The following PRDX3 variants were observed in gnomAD, a reference collection of about 807,000 sequenced individuals.
The protein encoded by PRDX3 is peroxiredoxin 3, also known as thioredoxin-dependent peroxide reductase, mitochondrial.
Under a neutral mutation model 30.4 loss-of-function variants are expected in PRDX3, and 20 were observed. The observed-to-expected ratio is 0.66, with a 90% CI of 0.46 to 0.96. The LOEUF is 0.96. PRDX3 is among the 40% of genes least tolerant of loss of function. PRDX3 has a pLI of 0.00. For missense variants in PRDX3, 322 were observed against 318.3 expected (o/e 1.01, Z -0.09); for synonymous variants, 124 against 117.8 (o/e 1.05, Z -0.34).
At chr10:119,177,247 T>C (rs1371691878) in intron 1 of PRDX3, 94 bp from the exon 2 acceptor site, 22 of 1,358,162 alleles carry the variant, frequency 1.6e-5, no homozygotes, top group Non-Finnish European at 1.6e-5. Context: ...GCTGTCCCTG[T>C]TCCTGTGAAC....
chr10:119,174,836 C>T, intron 2 of PRDX3: 1 of 430,480 alleles, frequency 2.3e-6, no homozygotes, highest in Non-Finnish European at 4.1e-6. Context: ...ATATAATCCA[C>T]ACACACCCTC....
In PRDX3 at chr10:119,168,437, G is replaced by T; in HGVS notation, c.*43C>A. ...AATGATAAAAGCAGGTTTCAACTGT[G>T]GTTCTTCTCTCAGTTGAGAAGGTGC... is the stretch of plus-strand genomic sequence containing the variant. On this transcript the variant is annotated 3_prime_UTR_variant, in exon 7 of 7. Transcript: ENST00000298510. 1.9e-6 allele frequency: 3 copies of T among 1,609,952 alleles called. No individual in the cohort carries two copies. The highest frequency in any genetic ancestry group is 2.5e-6 in the Non-Finnish European group (3 of 1,179,252).
intron 5 of PRDX3, 23 bp from the exon 6 acceptor site, chr10:119,169,365 C>T (rs1847852170): frequency 6.2e-7 from 1 of 1,606,228 alleles, no homozygotes; most frequent in South Asian, 1.1e-5. Context: ...TTATCCTCAT[C>T]AGTGCCTCAA....
Position 119,172,468 on chromosome 10 carries a change from G to A in PRDX3, c.465C>T (p.His155=), listed in dbSNP as rs772252312. 2 of 1,613,890 alleles carry A rather than the reference G, an allele frequency of 1.2e-6. No homozygotes were observed. Among genetic ancestry groups the A allele is most frequent in the African/African-American group, 2.7e-5 (2 of 74,930 alleles). The change falls in exon 5 of 7, where the codon CAC becomes CAT. Residue 155 remains histidine, a synonymous_variant. Coordinates refer to ENST00000298510, the MANE Select transcript of PRDX3 (RefSeq NM_006793.5). ...AGTCTGACAAGAGTGCGATGTTCAT[G>A]TGGCCCAAACCACCATTCTAATCAA... ...NTPRKNGGLG[H]MNIALLSDLT... is the part of the protein sequence containing the mutation.
intron 6 of PRDX3, 47 bp from the exon 7 acceptor site, chr10:119,168,580 A>G (rs1231886306): frequency 6.2e-6 from 10 of 1,607,286 alleles, no homozygotes; most frequent in Non-Finnish European, 8.5e-6. Context: ...TTACCATAAT[A>G]ATAGTCCCAA....
At chr10:119,174,373 G>C in intron 3 of PRDX3, 78 bp downstream of exon 3, 1 of 1,460,952 alleles carries the variant, frequency 6.8e-7, no homozygotes, top group Non-Finnish European at 9.2e-7. Context: ...GGTATCTAGG[G>C]ATAGACAATT....
rs1240282835 is a variant in PRDX3 at position 119,172,429 on chromosome 10, A to C, written c.504T>G (p.Ile168Met). Reference protein sequence around the residue: ...IALLSDLTKQISRDYGVLLEG... With the variant: ...IALLSDLTKQMSRDYGVLLEG... ...CTAACAGCACACCGTAGTCTCGGGAAATCTGCTTAGTTAAGTCTGACAAGA... is the reference window on the plus strand; with the variant it reads ...CTAACAGCACACCGTAGTCTCGGGACATCTGCTTAGTTAAGTCTGACAAGA... The change falls in exon 5 of 7, where the codon ATT becomes ATG. Residue 168 changes from isoleucine to methionine, a missense_variant. Transcript: ENST00000298510. 1.2e-6 allele frequency: 2 copies of C among 1,614,206 alleles called. No individual in the cohort carries two copies. The highest frequency in any genetic ancestry group is 2.7e-5 in the African/African-American group (2 of 75,060).
In PRDX3 at chr10:119,174,388, GT is replaced by G. The variant is rs756881855; in HGVS notation, c.311+62del. The G allele has an allele frequency of 5.7e-4, 864 of 1,509,892 alleles. 5 individuals carry two copies. Among genetic ancestry groups the G allele is most frequent in the South Asian group, 7.2e-4 (55 of 76,100 alleles). The allele number at this position is 1,509,892 out of a possible 1,614,324, so 93.5% of individuals were successfully genotyped here. A position where few individuals can be genotyped will look rare whatever the true frequency, so the allele number is the denominator to read the frequency against. On this transcript the variant is annotated intron_variant, in intron 3 of 6. Transcript: ENST00000298510. ...GGTATCTAGGGATAGACAATTCAGT[GT>G]GGGAACAGGATATGTGCTTGCTCTC...
At chr10:119,172,881 C>G (rs1486506144) in intron 4 of PRDX3, among the ~76,000 whole-genome samples, 1 of 152,084 alleles carries the variant, frequency 6.6e-6, no homozygotes, top group Admixed American at 6.5e-5. Context: ...TCATCCTACC[C>G]CAGTCTCCTG....
chr10:119,177,010 A>G lies in PRDX3; in HGVS notation c.169+11T>C, dbSNP rs757140141. 7 of 1,614,014 alleles carry G rather than the reference A, an allele frequency of 4.3e-6. No homozygotes were observed. In the African/African-American group the frequency reaches 5.3e-5, roughly 12 times the overall value. ...TACCTGGCTCCAGCCAAGACATGAC[A>G]TAACACTTACTGGTGCTGAATAATT... On this transcript the variant is annotated intron_variant, in intron 2 of 6. Coordinates refer to ENST00000298510, the MANE Select transcript of PRDX3 (RefSeq NM_006793.5).
chr10:119,168,333 C>CA lies in PRDX3; in HGVS notation c.*146dup. The CA allele has an allele frequency of 6.8e-7, 1 of 1,464,806 alleles. No individual in the cohort carries two copies. The highest frequency in any genetic ancestry group is 1.3e-5 in the South Asian group (1 of 74,326). 90.7% of individuals were successfully genotyped at this position (1,464,806 alleles called of 1,614,324 possible). ...GTTTAAAAGGTCTTAGCCAGAATTACAAAAACAAAACATTTAGAGTAATAC... is the reference window on the plus strand; with the variant it reads ...GTTTAAAAGGTCTTAGCCAGAATTACAAAAAACAAAACATTTAGAGTAATAC... On this transcript the variant is annotated 3_prime_UTR_variant, in exon 7 of 7. Transcript: ENST00000298510.
rs1244089807 is a variant in PRDX3 at position 119,172,932 on chromosome 10, T to TTTTA, written c.448-451_448-448dup. Among the ~76,000 whole-genome samples, 40 of 151,902 alleles carry TTTTA rather than the reference T, an allele frequency of 2.6e-4. No individual in the cohort carries two copies. The South Asian group carries it at 4.2e-3, about 16-fold the overall frequency. On this transcript the variant is annotated intron_variant, in intron 4 of 6. Transcript: ENST00000298510. ...AGATGCTTTTTCTAATTCTTTATTA[T>TTTTA]TTTATTTATTTATTTATTTATTTTG...
chr10:119,173,611 A>G (rs1425578011), intron 4 of PRDX3, 126 bp downstream of exon 4: 1 of 1,121,376 alleles, frequency 8.9e-7, no homozygotes, highest in African/African-American at 1.7e-5. Flanking sequence ...CTCCGTCTCA[A>G]AAAAAAAAAA....
At chr10:119,177,348 G>T (rs1292971736) in intron 1 of PRDX3, among the ~76,000 whole-genome samples, 195 bp from the exon 2 acceptor site, 1 of 152,108 alleles carries the variant, frequency 6.6e-6, no homozygotes, top group Non-Finnish European at 1.5e-5. Flanking sequence ...AGACTGGAAG[G>T]TGGAGAGGAA....
rs369438202 is a variant in PRDX3, at chr10:119,169,347, A to G, written c.552-5T>C. 1.1e-4 allele frequency: 170 copies of G among 1,612,578 alleles called. 1 individual carries two copies. Among genetic ancestry groups the G allele is most frequent in the Non-Finnish European group, 1.4e-4 (160 of 1,179,180 alleles). The stretch of plus-strand genomic sequence containing the variant: ...GGGTCAATTATGAAGAGACCTCTGC[A>G]TGATCATTTATCCTCATCAGTGCCT... On this transcript the variant is annotated splice_polypyrimidine_tract_variant and splice_region_variant and intron_variant, in intron 5 of 6. Coordinates refer to ENST00000298510, the MANE Select transcript of PRDX3 (RefSeq NM_006793.5).
chr10:119,168,381 T>A lies in PRDX3; in HGVS notation c.*99A>T. ...TACTTATGAATACAAGCATAATTGGTTCCTTGCCTTCTACAAATAACCATC... is the reference window on the plus strand; with the variant it reads ...TACTTATGAATACAAGCATAATTGGATCCTTGCCTTCTACAAATAACCATC... On this transcript the variant is annotated 3_prime_UTR_variant, in exon 7 of 7. Coordinates refer to ENST00000298510, the MANE Select transcript of PRDX3 (RefSeq NM_006793.5). 6.3e-7 allele frequency: 1 copy of A among 1,578,372 alleles called. No individual in the cohort carries two copies. The highest frequency in any genetic ancestry group is 8.6e-7 in the Non-Finnish European group (1 of 1,167,696).
Position 119,169,390 on chromosome 10 carries a change from G to C in PRDX3, c.552-48C>G, listed in dbSNP as rs770503997. On this transcript the variant is annotated intron_variant, in intron 5 of 6. Coordinates refer to ENST00000298510, the MANE Select transcript of PRDX3 (RefSeq NM_006793.5). ...CAGTGCCTCAACAGTACCAGAACTA[G>C]AACAGTCTAACTTCTTCCCTTTTAG... 2.0e-6 allele frequency: 3 copies of C among 1,511,098 alleles called. No individual in the cohort carries two copies. In the Admixed American group the frequency reaches 5.5e-5, roughly 28 times the overall value. The allele number at this position is 1,511,098 out of a possible 1,614,324, so 93.6% of individuals were successfully genotyped here. A position where few individuals can be genotyped will look rare whatever the true frequency, so the allele number is the denominator to read the frequency against.
intron 2 of PRDX3, among the ~76,000 whole-genome samples, chr10:119,176,683 C>T (rs1848035064): frequency 1.3e-5 from 2 of 152,204 alleles, no homozygotes; most frequent in Admixed American, 1.3e-4. Context: ...CTGCCCACCA[C>T]TCACAGCTCT....
chr10:119,168,843 G>A (rs1194784558), intron 6 of PRDX3, among the ~76,000 whole-genome samples: 1 of 152,136 alleles, frequency 6.6e-6, no homozygotes, highest in South Asian at 2.1e-4. Flanking sequence ...GTGGTGGTGG[G>A]CGCCCTGTAG....
Sources: allele counts gnomAD v4.1 joint callset (sites outside exome capture counted in the v4.1 genomes callset), GRCh38; gene constraint gnomAD v4.1.1; transcripts MANE v1.5; gene names NCBI Gene and HGNC (gene_info 2026-07-23, HGNC 2026-07-21).